Variants in IL13RA1 observed in about 807,000 individuals in gnomAD.
IL13RA1 encodes the protein interleukin 13 receptor subunit alpha 1.
Under a neutral mutation model 33.8 loss-of-function variants are expected in IL13RA1, and 14 were observed. That is an observed-to-expected ratio of 0.41 (90% CI 0.27 to 0.65). The LOEUF is 0.65. Ranked by LOEUF, IL13RA1 falls within the 30% of genes least tolerant of loss-of-function variation. The pLI is 0.28. For synonymous variants in IL13RA1, 116 were observed against 115.7 expected, an observed-to-expected ratio of 1.00 and a Z score of -0.02; for missense variants, 313 against 327.0, an observed-to-expected ratio of 0.96 and a Z score of 0.33.
chrX:118,780,264 G>C (rs767976551), intron 10 of IL13RA1, among the ~76,000 whole-genome samples: 2 of 112,214 alleles, frequency 1.8e-5, no homozygotes, highest in Non-Finnish European at 3.8e-5. Flanking sequence ...TTGAATTATT[G>C]AATGAACATA....
intron 3 of IL13RA1, among the ~76,000 whole-genome samples, chrX:118,748,733 A>G (rs2017438603): frequency 9.0e-6 from 1 of 111,373 alleles, no homozygotes; most frequent in Non-Finnish European, 1.9e-5. Context: ...GGGATAACAG[A>G]TTTACATTTT....
intron 10 of IL13RA1, among the ~76,000 whole-genome samples, chrX:118,784,117 ATG>A (rs1491096055): frequency 0.016 from 334 of 21,454 alleles, 6 homozygotes; most frequent in Middle Eastern, 0.077. Flanking sequence ...ATACGTATAT[ATG>A]TATATATATG....
downstream of IL13RA1, among the ~76,000 whole-genome samples, chrX:118,794,817 T>C (rs1215582505): frequency 1.8e-5 from 2 of 111,814 alleles, no homozygotes; most frequent in African/African-American, 3.3e-5. Context: ...AATGGAGGGT[T>C]GGTCCTTTCT....
At chrX:118,745,476 C>A (rs1409612938) in intron 2 of IL13RA1, among the ~76,000 whole-genome samples, 1 of 111,618 alleles carries the variant, frequency 9.0e-6, no homozygotes, top group Non-Finnish European at 1.9e-5. Flanking sequence ...CTTGACTGGA[C>A]CTAAGAGCTA....
rs2017390787 is a variant in IL13RA1 at position 118,745,335 on chromosome X, C to T, written c.229-1619C>T. On this transcript the variant is annotated intron_variant, in intron 2 of 10. Coordinates refer to ENST00000371666, the MANE Select transcript of IL13RA1 (RefSeq NM_001560.3). ...GCCCTACTGAGAGTAAACAGCTTTG[C>T]CAGTGGGACAGAAAAATTCAATGCC... Among the ~76,000 whole-genome samples, 5 of 111,689 alleles carry T rather than the reference C, an allele frequency of 4.5e-5. No homozygotes were observed. The Admixed American group carries it at 4.8e-4, about 11-fold the overall frequency.
At chrX:118,801,219 G>A in the IL13RA1 span, among the ~76,000 whole-genome samples, 1 of 112,695 alleles carries the variant, frequency 8.9e-6, no homozygotes, top group African/African-American at 3.2e-5. Flanking sequence ...ATTCCGATGT[G>A]TTGTTGCTTC....
intron 10 of IL13RA1, among the ~76,000 whole-genome samples, chrX:118,784,138 T>TATATATAC (rs1569459445): frequency 1.6e-5 from 1 of 63,127 alleles, no homozygotes; most frequent in Non-Finnish European, 2.6e-5. Flanking sequence ...TGTATATATA[T>TATATATAC]ATATATATAC....
At chrX:118,749,028 G>A in intron 3 of IL13RA1, among the ~76,000 whole-genome samples, 1 of 111,502 alleles carries the variant, frequency 9.0e-6, no homozygotes, top group Non-Finnish European at 1.9e-5. Flanking sequence ...CAATTCTTGT[G>A]CCTCAGCCTC....
At chrX:118,775,033 AAAAT>A (rs973193682) in intron 9 of IL13RA1, among the ~76,000 whole-genome samples, 4 of 111,556 alleles carry the variant, frequency 3.6e-5, no homozygotes, top group African/African-American at 1.3e-4. Flanking sequence ...ACACACACAC[AAAAT>A]AAATAATAAA....
intron 9 of IL13RA1, among the ~76,000 whole-genome samples, chrX:118,775,211 C>T (rs1391802383): frequency 1.8e-5 from 2 of 111,136 alleles, no homozygotes; most frequent in African/African-American, 3.3e-5. Context: ...AAAGAGCACT[C>T]CAGGCCATGG....
chrX:118,772,556 A>G (rs1356471838), intron 8 of IL13RA1, among the ~76,000 whole-genome samples: 1 of 112,298 alleles, frequency 8.9e-6, no homozygotes, highest in Non-Finnish European at 1.9e-5. Flanking sequence ...TTTTATTTAA[A>G]AAAACCTTTC....
At chrX:118,732,634 A>G (rs1170181683) in intron 1 of IL13RA1, among the ~76,000 whole-genome samples, 2 of 106,635 alleles carry the variant, frequency 1.9e-5, no homozygotes, top group Non-Finnish European at 3.8e-5. Flanking sequence ...ATTCCCACCT[A>G]TGAGTGAGAA....
At chrX:118,803,130 T>C in the IL13RA1 span, among the ~76,000 whole-genome samples, 1 of 112,356 alleles carries the variant, frequency 8.9e-6, no homozygotes, top group Non-Finnish European at 1.9e-5. Context: ...AGATGTTTGA[T>C]CAATTCATCT....
At chrX:118,791,477 A>G (rs1332414590) in intron 10 of IL13RA1, among the ~76,000 whole-genome samples, 1 of 111,241 alleles carries the variant, frequency 9.0e-6, no homozygotes, top group Non-Finnish European at 1.9e-5. Context: ...TTTTATTTCC[A>G]GTGGTGGAAA....
chrX:118,804,738 C>T, the IL13RA1 span, among the ~76,000 whole-genome samples: 2 of 112,030 alleles, frequency 1.8e-5, no homozygotes, highest in African/African-American at 6.5e-5. Context: ...TGAGTTTACA[C>T]TTGATCATGC....
chrX:118,735,808 A>G (rs1417863255), intron 1 of IL13RA1, among the ~76,000 whole-genome samples: 1 of 111,929 alleles, frequency 8.9e-6, no homozygotes, highest in Non-Finnish European at 1.9e-5. Flanking sequence ...TTGGCCTCCC[A>G]AAGTGCTGGG....
At chrX:118,776,541 GTTTTTTTTTT>G (rs5903529) in intron 10 of IL13RA1, 30 bp downstream of exon 10, 11,904 of 219,857 alleles carry the variant, frequency 0.054, 1,110 homozygotes, top group African/African-American at 0.38. Flanking sequence ...GGCTTGAAAT[GTTTTTTTTTT>G]TTTTTTTTTT....
chrX:118,733,958 A>G (rs1251494388), intron 1 of IL13RA1, among the ~76,000 whole-genome samples: 1 of 111,626 alleles, frequency 9.0e-6, no homozygotes. Context: ...TGTCTATTCT[A>G]TTACATTGAT....
chrX:118,738,065 G>A (rs921636664), intron 1 of IL13RA1: 1 of 111,887 alleles, frequency 8.9e-6, no homozygotes, highest in Non-Finnish European at 1.9e-5. Context: ...TAGCACTGTT[G>A]CCTGAGCCAT....
Sources: gnomAD v4.1 joint callset for allele counts (sites outside exome capture counted in the v4.1 genomes callset) on GRCh38, gnomAD v4.1.1 for gene constraint, MANE v1.5 for transcripts, NCBI Gene and HGNC (gene_info 2026-07-23, HGNC 2026-07-21) for gene names.